The following WDR5 variants were observed in gnomAD, a reference collection of about 807,000 sequenced individuals.
WDR5 encodes WD repeat domain 5, also known as WD repeat-containing protein 5.
For synonymous variants in WDR5, 144 were observed against 161.6 expected (o/e 0.89, Z 0.83); for missense variants, 187 against 416.9 (o/e 0.45, Z 4.80).
intron 1 of WDR5, among the ~76,000 whole-genome samples, chr9:134,138,429 C>T (rs545897029): frequency 6.6e-6 from 1 of 152,292 alleles, no homozygotes; most frequent in African/African-American, 2.4e-5. Context: ...TGTATTTGTC[C>T]AGCCTGCCAA....
chr9:134,154,561 G>T lies in WDR5; in HGVS notation c.707+20G>T, dbSNP rs367791473. The T allele has an allele frequency of 2.9e-5, 46 of 1,613,474 alleles. No homozygotes were observed. The African/African-American group carries it at 5.3e-4, about 19-fold the overall frequency. ...GGACAAGTGAGTACTGCGTGGGACTGTGGGGGCGGGCATGTGGCCTCCCCA... is the reference window on the plus strand; with the variant it reads ...GGACAAGTGAGTACTGCGTGGGACTTTGGGGGCGGGCATGTGGCCTCCCCA... On this transcript the variant is annotated intron_variant, in intron 10 of 13. Transcript: ENST00000358625.
chr9:134,141,277 C>T (rs1051963623), intron 3 of WDR5, among the ~76,000 whole-genome samples: 3 of 152,090 alleles, frequency 2.0e-5, no homozygotes, highest in African/African-American at 4.8e-5. Flanking sequence ...CAGAGCCAGA[C>T]ACCGTCTCAG....
Position 134,157,788 on chromosome 9 carries a change from C to A in WDR5, c.905-105C>A. 1 of 1,041,936 alleles carries A rather than the reference C, an allele frequency of 9.6e-7. No individual in the cohort carries two copies. Among genetic ancestry groups the A allele is most frequent in the Non-Finnish European group, 1.4e-6 (1 of 693,578 alleles). The allele number at this position is 1,041,936 out of a possible 1,614,324, so 64.5% of individuals were successfully genotyped here. A position where few individuals can be genotyped will look rare whatever the true frequency, so the allele number is the denominator to read the frequency against. On this transcript the variant is annotated intron_variant, in intron 13 of 13. Transcript: ENST00000358625. The surrounding 1 kb of genome is among the most constrained non-coding windows in gnomAD (Gnocchi z 5.0). ...GTCCTGTGACCTCCCAGGTGGCGGGCAGGCGCTACCCGCGTTTCTGGAGAA... is the reference window on the plus strand; with the variant it reads ...GTCCTGTGACCTCCCAGGTGGCGGGAAGGCGCTACCCGCGTTTCTGGAGAA...
At chr9:134,142,075 G>C (rs768516040) in intron 5 of WDR5, 37 bp downstream of exon 5, 1 of 1,593,812 alleles carries the variant, frequency 6.3e-7, no homozygotes, top group Non-Finnish European at 8.6e-7. Flanking sequence ...AGGGGAGACC[G>C]GCTGCAGGGC....
intron 8 of WDR5, among the ~76,000 whole-genome samples, chr9:134,150,970 G>A (rs956508825): frequency 6.6e-6 from 1 of 152,200 alleles, no homozygotes; most frequent in African/African-American, 2.4e-5. Flanking sequence ...GAAGGAGCAG[G>A]ACCAATGCAG....
At position 134,142,051 on chromosome 9, in the gene WDR5, C is replaced by G. The variant is rs1010761039; in HGVS notation, c.354+13C>G. The G allele has an allele frequency of 3.1e-6, 5 of 1,612,440 alleles. No individual in the cohort carries two copies. The African/African-American group carries it at 6.7e-5, about 22-fold the overall frequency. ...GGACGTGAGCTCGGTAAGTGACACT[C>G]AGTGCTTCTCTCCAGGGGAGACCGG... On this transcript the variant is annotated intron_variant, in intron 5 of 13. Coordinates refer to ENST00000358625, the MANE Select transcript of WDR5 (RefSeq NM_017588.3).
rs765623513 is a variant in WDR5 at position 134,139,958 on chromosome 9, G to A, written c.81G>A (p.Lys27=). 49 of 1,613,560 alleles carry A rather than the reference G, an allele frequency of 3.0e-5. No homozygotes were observed. Among genetic ancestry groups the A allele is most frequent in the Non-Finnish European group, 4.0e-5 (47 of 1,180,012 alleles). ...CTTCGTCATCCGCCACTCAGAGCAA[G>A]GTGCGTGCCCAGGGGCCCCTTGGAC... ...PTPSSSATQS[K]PTPVKPNYAL... is the part of the protein sequence containing the mutation. The change falls in exon 2 of 14, where the codon AAG becomes AAA. Residue 27 remains lysine, a splice_region_variant and synonymous_variant. Coordinates refer to ENST00000358625, the MANE Select transcript of WDR5 (RefSeq NM_017588.3).
rs967768786 is a variant in WDR5 at position 134,157,240 on chromosome 9, T to TA, written c.904+648dup. 2.0e-5 allele frequency among the ~76,000 whole-genome samples: 3 copies of TA among 152,244 alleles called. No individual in the cohort carries two copies. Among genetic ancestry groups the TA allele is most frequent in the African/African-American group, 7.2e-5 (3 of 41,472 alleles). On this transcript the variant is annotated intron_variant, in intron 13 of 13. Transcript: ENST00000358625. This position sits in a 1 kb window ranked among gnomAD's most constrained non-coding sequence, Gnocchi z 5.0. ...CTTCACCCAGCCTGGGGTCAGTGCT[T>TA]ACGCTCCACGGCGGGCCTGGGCCTT... is the stretch of plus-strand genomic sequence containing the variant.
chr9:134,144,528 C>CA (rs2132543100), intron 7 of WDR5, among the ~76,000 whole-genome samples: 1 of 152,226 alleles, frequency 6.6e-6, no homozygotes, highest in African/African-American at 2.4e-5. Context: ...TTACGAAAGT[C>CA]ACGTTTGCTC....
chr9:134,151,593 A>G (rs1442152615), intron 8 of WDR5, among the ~76,000 whole-genome samples: 1 of 152,168 alleles, frequency 6.6e-6, no homozygotes, highest in Non-Finnish European at 1.5e-5. Flanking sequence ...AAGCCCTCTC[A>G]TTGCTTGCAT....
At chr9:134,155,407 A>C (rs768022184) in intron 11 of WDR5, 34 bp downstream of exon 11, 1 of 1,584,806 alleles carries the variant, frequency 6.3e-7, no homozygotes, top group East Asian at 2.3e-5. Flanking sequence ...CCCATGGTGC[A>C]CCATCCCTGG....
At chr9:134,152,717 C>T (rs1297652675) in intron 9 of WDR5, among the ~76,000 whole-genome samples, 1 of 152,186 alleles carries the variant, frequency 6.6e-6, no homozygotes, top group Non-Finnish European at 1.5e-5. Flanking sequence ...GGGGAGGCAC[C>T]CCGTTTGCGC....
intron 7 of WDR5, among the ~76,000 whole-genome samples, chr9:134,147,130 A>G (rs1412549185): frequency 1.3e-5 from 2 of 152,268 alleles, no homozygotes; most frequent in East Asian, 1.9e-4. Context: ...TTTTAGATAC[A>G]TTGGGTTACA....
chr9:134,135,878 A>G (rs773959371), upstream of WDR5: 2 of 150,902 alleles, frequency 1.3e-5, no homozygotes, highest in African/African-American at 5.0e-5. Flanking sequence ...TAGGAAGTGC[A>G]TTAGAAGGGC....
rs1161945697 is a variant in WDR5 at position 134,139,856 on chromosome 9, C to T, written c.-22C>T. On this transcript the variant is annotated 5_prime_UTR_variant, in exon 2 of 14. Transcript: ENST00000358625. ...CACCGGGTCCCTCCACCCTTGTCTC[C>T]TGTGCGGCCAGCGTCAGAGCCATGG... 6.2e-6 allele frequency: 10 copies of T among 1,613,326 alleles called. No individual in the cohort carries two copies. The highest frequency in any genetic ancestry group is 1.7e-5 in the Admixed American group (1 of 60,004).
chr9:134,158,168 T>G lies in WDR5; in HGVS notation c.*175T>G. ...GCGGAAGGTGTGGACCACCGGAAAG[T>G]TCTTAAAAGTTGCTGGTGACATTTC... On this transcript the variant is annotated 3_prime_UTR_variant, in exon 14 of 14. Transcript: ENST00000358625. 1 of 576,132 alleles carries G rather than the reference T, an allele frequency of 1.7e-6. No homozygotes were observed. The highest frequency in any genetic ancestry group is 3.1e-6 in the Non-Finnish European group (1 of 324,930). The allele number at this position is 576,132 out of a possible 1,614,324, so 35.7% of individuals were successfully genotyped here.
chr9:134,154,057 G>A (rs1272050946), intron 9 of WDR5, among the ~76,000 whole-genome samples: 5 of 152,196 alleles, frequency 3.3e-5, no homozygotes, highest in African/African-American at 4.8e-5. Flanking sequence ...TGCCCCTTGC[G>A]TCGATAAATT....
At chr9:134,145,249 C>A (rs569196950) in intron 7 of WDR5, among the ~76,000 whole-genome samples, 1 of 152,180 alleles carries the variant, frequency 6.6e-6, no homozygotes, top group African/African-American at 2.4e-5. Flanking sequence ...CAGGTGCCCA[C>A]TACCACGACT....
At chr9:134,140,901 ACCGCTGGGGAGACGTAGCAGG>A (rs1831851826) in intron 3 of WDR5, 90 bp downstream of exon 3, 7 of 1,266,718 alleles carry the variant, frequency 5.5e-6, no homozygotes, top group Admixed American at 1.7e-5. Context: ...TTCCTCACCT[ACCGCTGGGGAGACGTAGCAGG>A]CCGCTGGGGG....
Sources: gnomAD v4.1 joint callset for allele counts (sites outside exome capture counted in the v4.1 genomes callset) on GRCh38, gnomAD v4.1.1 for gene constraint, Gnocchi (gnomAD v3.1) non-coding constraint, MANE v1.5 for transcripts, NCBI Gene and HGNC (gene_info 2026-07-23, HGNC 2026-07-21) for gene names.